The following MAGI1 variants were observed in gnomAD, a reference collection of about 807,000 sequenced individuals.
The protein encoded by MAGI1 is membrane-associated guanylate kinase, WW and PDZ domain-containing protein 1.
A neutral mutation model predicts 139.9 loss-of-function variants in MAGI1; 58 were observed. The ratio of observed to expected loss-of-function variants is 0.41; its 90% CI spans 0.34 to 0.52. The LOEUF (loss-of-function observed/expected upper bound fraction) is 0.52. MAGI1 is among the 20% of genes least tolerant of loss of function. The pLI is 0.12. For missense variants in MAGI1, 1,874 were observed against 1,901.6 expected (o/e 0.99, Z 0.27); for synonymous variants, 812 against 737.9 (o/e 1.10, Z -1.63).
chr3:65,939,471 A>G (rs2063210035), intron 1 of MAGI1, among the ~76,000 whole-genome samples: 1 of 152,268 alleles, frequency 6.6e-6, no homozygotes, highest in South Asian at 2.1e-4. Flanking sequence ...TAAATTACTC[A>G]TAAACAAACT....
chr3:65,757,057 A>G (rs1300662207), intron 1 of MAGI1, among the ~76,000 whole-genome samples: 1 of 147,114 alleles, frequency 6.8e-6, no homozygotes, highest in Non-Finnish European at 1.5e-5. Flanking sequence ...TTGGGTTGCT[A>G]CCTCCTTGCC....
chr3:65,574,234 T>C (rs1238142841), intron 2 of MAGI1, among the ~76,000 whole-genome samples: 1 of 146,184 alleles, frequency 6.8e-6, no homozygotes, highest in Admixed American at 6.9e-5. Flanking sequence ...TTTTTACATA[T>C]ATATATGTAT....
intron 1 of MAGI1, among the ~76,000 whole-genome samples, chr3:66,006,511 A>C (rs2067019761): frequency 6.6e-6 from 1 of 152,206 alleles, no homozygotes; most frequent in Admixed American, 6.5e-5. Context: ...ATATGTGTCT[A>C]TACATATACA....
At chr3:65,820,795 G>T (rs1322705440) in intron 1 of MAGI1, among the ~76,000 whole-genome samples, 1 of 152,054 alleles carries the variant, frequency 6.6e-6, no homozygotes, top group Non-Finnish European at 1.5e-5. Context: ...TTTATTTTTA[G>T]GAACCCTGTG....
At chr3:65,802,343 G>C (rs140365724) in intron 1 of MAGI1, among the ~76,000 whole-genome samples, 78 of 152,264 alleles carry the variant, frequency 5.1e-4, no homozygotes, top group African/African-American at 1.8e-3. Flanking sequence ...TTTGATGGGA[G>C]GGATGGGGGA....
chr3:65,594,335 A>C (rs1031437256), intron 2 of MAGI1, among the ~76,000 whole-genome samples: 1 of 152,194 alleles, frequency 6.6e-6, no homozygotes, highest in African/African-American at 2.4e-5. Flanking sequence ...GTTTAGTCAT[A>C]ATTTTCCTGA....
At chr3:65,956,150 T>C (rs540116104) in intron 1 of MAGI1, among the ~76,000 whole-genome samples, 2 of 152,252 alleles carry the variant, frequency 1.3e-5, no homozygotes, top group South Asian at 2.1e-4. Flanking sequence ...CCCCTAAAAA[T>C]AGATAAACTA....
intron 1 of MAGI1, among the ~76,000 whole-genome samples, chr3:65,930,924 T>A (rs2106726315): frequency 6.6e-6 from 1 of 152,288 alleles, no homozygotes; most frequent in Non-Finnish European, 1.5e-5. Flanking sequence ...AACTCATGAA[T>A]AATCCACCCC....
intron 1 of MAGI1, among the ~76,000 whole-genome samples, chr3:65,837,835 C>T (rs571475651): frequency 2.0e-5 from 3 of 152,196 alleles, no homozygotes; most frequent in Admixed American, 6.5e-5. Flanking sequence ...CTTCCTTATT[C>T]GTCTTTAAAG....
intron 2 of MAGI1, among the ~76,000 whole-genome samples, chr3:65,534,880 C>T (rs960660862): frequency 5.3e-5 from 8 of 152,276 alleles, no homozygotes; most frequent in African/African-American, 1.4e-4. Context: ...TGCTGCCGAG[C>T]CTCTACGGGG....
intron 10 of MAGI1, among the ~76,000 whole-genome samples, chr3:65,435,633 T>C (rs943963462): frequency 6.6e-6 from 1 of 152,150 alleles, no homozygotes; most frequent in Admixed American, 6.5e-5. Flanking sequence ...CTTGCCTCCA[T>C]GGGATTTAAA....
chr3:65,741,164 G>C (rs573936043), intron 1 of MAGI1, among the ~76,000 whole-genome samples: 1 of 149,010 alleles, frequency 6.7e-6, no homozygotes, highest in Non-Finnish European at 1.5e-5. Flanking sequence ...AAATAAAAGA[G>C]GTTGCTATTA....
At chr3:65,442,043 C>T (rs1040791670) in intron 8 of MAGI1, among the ~76,000 whole-genome samples, 6 of 151,058 alleles carry the variant, frequency 4.0e-5, no homozygotes, top group Non-Finnish European at 8.8e-5. Flanking sequence ...TTATTAGTTA[C>T]CTCTCATTTT....
chr3:65,737,442 T>G (rs2034864095), intron 1 of MAGI1, among the ~76,000 whole-genome samples: 1 of 152,252 alleles, frequency 6.6e-6, no homozygotes, highest in African/African-American at 2.4e-5. Flanking sequence ...CAAGTCAATG[T>G]TTGGAACTAA....
At chr3:65,725,741 A>T (rs1283746448) in intron 1 of MAGI1, among the ~76,000 whole-genome samples, 1 of 152,244 alleles carries the variant, frequency 6.6e-6, no homozygotes, top group African/African-American at 2.4e-5. Flanking sequence ...AGCACATTCC[A>T]TTCCAGCCTA....
chr3:65,982,138 G>A (rs1171213807), intron 1 of MAGI1, among the ~76,000 whole-genome samples: 2 of 152,188 alleles, frequency 1.3e-5, no homozygotes, highest in Non-Finnish European at 2.9e-5. Context: ...TTTGACCAGA[G>A]CTGGATTTAC....
intron 1 of MAGI1, among the ~76,000 whole-genome samples, chr3:65,834,597 A>G (rs573983749): frequency 6.6e-6 from 1 of 152,354 alleles, no homozygotes; most frequent in East Asian, 1.9e-4. Context: ...AGATTCAGTT[A>G]GCTGATGGTG....
At chr3:65,686,238 C>G (rs1417552979) in intron 1 of MAGI1, among the ~76,000 whole-genome samples, 1 of 152,076 alleles carries the variant, frequency 6.6e-6, no homozygotes, top group Non-Finnish European at 1.5e-5. Flanking sequence ...TTTGGGGGTT[C>G]TCCATAGATG....
At chr3:65,383,121 T>A (rs1381873756) in intron 15 of MAGI1, among the ~76,000 whole-genome samples, 2 of 152,168 alleles carry the variant, frequency 1.3e-5, no homozygotes, top group Admixed American at 1.3e-4. Context: ...CACTGTCTCA[T>A]AAGGCTTTGC....
Sources: gnomAD v4.1 joint callset for allele counts (sites outside exome capture counted in the v4.1 genomes callset) on GRCh38, gnomAD v4.1.1 for gene constraint, MANE v1.5 for transcripts, NCBI Gene and HGNC (gene_info 2026-07-23, HGNC 2026-07-21) for gene names.